NRG3: variants seen among roughly 807,000 people sequenced by gnomAD.
The protein encoded by NRG3 is pro-neuregulin-3, membrane-bound isoform.
Under a neutral mutation model 66.9 loss-of-function variants are expected in NRG3, and 31 were observed. The observed-to-expected ratio is 0.46, with a 90% CI of 0.35 to 0.63. NRG3 has a LOEUF of 0.63. Among genes scored for constraint, NRG3 ranks in the 20% least tolerant of loss-of-function variants. NRG3 has a pLI of 0.00. For missense variants in NRG3, 910 were observed against 878.9 expected, an observed-to-expected ratio of 1.04 and a Z score of -0.45; for synonymous variants, 393 against 359.4, an observed-to-expected ratio of 1.09 and a Z score of -1.06.
intron 1 of NRG3, among the ~76,000 whole-genome samples, chr10:82,149,886 G>A (rs2070570403): frequency 1.3e-5 from 2 of 152,024 alleles, no homozygotes; most frequent in Admixed American, 6.6e-5. Flanking sequence ...AGTTTTCTTG[G>A]GGTGGATCTA....
chr10:81,914,531 G>A (rs1458073819), intron 1 of NRG3, among the ~76,000 whole-genome samples: 1 of 151,970 alleles, frequency 6.6e-6, no homozygotes. Flanking sequence ...CTGGGAGTTC[G>A]AGACCAGCCT....
At chr10:82,805,301 G>A (rs956487938) in intron 3 of NRG3, among the ~76,000 whole-genome samples, 2 of 152,024 alleles carry the variant, frequency 1.3e-5, no homozygotes, top group Admixed American at 6.6e-5. Flanking sequence ...TCCTTTGATC[G>A]TATATCTTCC....
chr10:82,423,402 A>G (rs1295467800), intron 2 of NRG3, among the ~76,000 whole-genome samples: 1 of 151,990 alleles, frequency 6.6e-6, no homozygotes, highest in African/African-American at 2.4e-5. Flanking sequence ...TGAATTTAGA[A>G]TGAGTTATAT....
chr10:81,904,568 C>G (rs908361312), intron 1 of NRG3, among the ~76,000 whole-genome samples: 2 of 152,112 alleles, frequency 1.3e-5, no homozygotes, highest in African/African-American at 4.8e-5. Context: ...TACGCCTGTT[C>G]TTAATTCTAC....
At chr10:82,948,183 A>G (rs547245874) in intron 4 of NRG3, among the ~76,000 whole-genome samples, 2 of 152,046 alleles carry the variant, frequency 1.3e-5, no homozygotes, top group South Asian at 4.1e-4. Context: ...TTCTTTCACC[A>G]TTGAATTATG....
chr10:82,545,969 G>A (rs2043886214), intron 2 of NRG3, among the ~76,000 whole-genome samples: 1 of 144,924 alleles, frequency 6.9e-6, no homozygotes, highest in African/African-American at 2.6e-5. Flanking sequence ...AGTAGAGACC[G>A]GGTGTTAGCC....
At position 82,813,461 on chromosome 10, in the gene NRG3, G is replaced by A. The variant is rs529263042; in HGVS notation, c.1028-51950G>A. On this transcript the variant is annotated intron_variant, in intron 3 of 8. Transcript: ENST00000372141. ...ACTCCTGACCTCAAGTGATCCACCCGCCTCAGCCTCCCAAAGTGGTGGGAT... is the reference window on the plus strand; with the variant it reads ...ACTCCTGACCTCAAGTGATCCACCCACCTCAGCCTCCCAAAGTGGTGGGAT... 2.2e-4 allele frequency among the ~76,000 whole-genome samples: 33 copies of A among 152,026 alleles called. No individual in the cohort carries two copies. In the East Asian group the frequency reaches 6.0e-3, roughly 28 times the overall value.
chr10:82,045,425 T>C (rs1309669295), intron 1 of NRG3, among the ~76,000 whole-genome samples: 1 of 93,132 alleles, frequency 1.1e-5, no homozygotes, highest in Non-Finnish European at 2.4e-5. Context: ...TTTGTTTTTT[T>C]CTTGTAAATT....
intron 2 of NRG3, among the ~76,000 whole-genome samples, chr10:82,453,122 TAA>T (rs775407547): frequency 5.9e-5 from 9 of 152,184 alleles, no homozygotes; most frequent in Non-Finnish European, 1.0e-4. Context: ...GAAGAGAACT[TAA>T]CTACCTTACA....
intron 1 of NRG3, among the ~76,000 whole-genome samples, chr10:81,936,686 TC>T (rs1847903141): frequency 6.6e-6 from 1 of 152,110 alleles, no homozygotes; most frequent in Non-Finnish European, 1.5e-5. Context: ...CGAAGCTCTT[TC>T]TAACTCACCA....
At chr10:82,929,139 A>T (rs1235057843) in intron 4 of NRG3, among the ~76,000 whole-genome samples, 1 of 152,220 alleles carries the variant, frequency 6.6e-6, no homozygotes, top group African/African-American at 2.4e-5. Flanking sequence ...CAAAGCACAC[A>T]TATCTGCTTA....
At chr10:82,532,711 T>A (rs1177723852) in intron 2 of NRG3, among the ~76,000 whole-genome samples, 1 of 151,280 alleles carries the variant, frequency 6.6e-6, no homozygotes, top group Non-Finnish European at 1.5e-5. Context: ...TCTTGACTAT[T>A]GTGAATAGTG....
At chr10:82,248,332 C>T (rs1453291725) in intron 1 of NRG3, among the ~76,000 whole-genome samples, 1 of 152,114 alleles carries the variant, frequency 6.6e-6, no homozygotes, top group Non-Finnish European at 1.5e-5. Context: ...CCCTCTGTTC[C>T]CAGTCCCTGT....
chr10:82,472,785 A>G (rs1279991372), intron 2 of NRG3, among the ~76,000 whole-genome samples: 2 of 152,228 alleles, frequency 1.3e-5, no homozygotes, highest in African/African-American at 4.8e-5. Flanking sequence ...TAAGAGACTC[A>G]TCTACTAAGT....
intron 1 of NRG3, among the ~76,000 whole-genome samples, chr10:82,295,301 A>T (rs547628787): frequency 5.6e-4 from 86 of 152,330 alleles, no homozygotes; most frequent in African/African-American, 1.8e-3. Context: ...ACAAAGATGG[A>T]TGATTATGCT....
Position 82,339,076 on chromosome 10 carries a change from CAAG to C in NRG3, c.824-19658_824-19656del, listed in dbSNP as rs564227439. On this transcript the variant is annotated intron_variant, in intron 1 of 8. Transcript: ENST00000372141. The stretch of plus-strand genomic sequence containing the variant: ...TGATTGATGTATTGGGTACTTTATG[CAAG>C]AAGATTTGGAGAACAATGTAATTGT... Among the ~76,000 whole-genome samples, 191 of 152,244 alleles carry C rather than the reference CAAG, an allele frequency of 1.3e-3. 2 individuals carry two copies. The highest frequency in any genetic ancestry group is 1.8e-3 in the Non-Finnish European group (124 of 68,014).
chr10:82,034,689 C>T (rs2062717941), intron 1 of NRG3, among the ~76,000 whole-genome samples: 1 of 15,094 alleles, frequency 6.6e-5, no homozygotes, highest in South Asian at 3.6e-3. Flanking sequence ...TTGTTCATCC[C>T]TGTTTCTTAC....
chr10:82,541,680 G>C lies in NRG3; in HGVS notation c.953+182812G>C, dbSNP rs78903061. Among the ~76,000 whole-genome samples the C allele has an allele frequency of 3.4e-3, 513 of 152,296 alleles. 2 individuals are homozygous for C. The highest frequency in any genetic ancestry group is 0.011 in the African/African-American group (473 of 41,550). On this transcript the variant is annotated intron_variant, in intron 2 of 8. Transcript: ENST00000372141. The stretch of plus-strand genomic sequence containing the variant: ...GGGAGTGGCTCCGGGCTGTCTGCCT[G>C]TGGATTTCATTTATGCCTTTTAGTT...
intron 3 of NRG3, among the ~76,000 whole-genome samples, chr10:82,864,047 A>C (rs2064287286): frequency 6.6e-6 from 1 of 152,122 alleles, no homozygotes; most frequent in Non-Finnish European, 1.5e-5. Flanking sequence ...TTCATAAGGC[A>C]AATTGATAAG....
Sources: gnomAD v4.1 joint callset for allele counts (sites outside exome capture counted in the v4.1 genomes callset) on GRCh38, gnomAD v4.1.1 for gene constraint, MANE v1.5 for transcripts, NCBI Gene and HGNC (gene_info 2026-07-23, HGNC 2026-07-21) for gene names.